Variants in FMNL1 observed in about 807,000 individuals in gnomAD.
The protein encoded by FMNL1 is formin-like protein 1.
In FMNL1, 43 loss-of-function variants were observed where a neutral mutation model predicts 121.3. That is an observed-to-expected ratio of 0.35 (90% CI 0.28 to 0.46). The LOEUF (loss-of-function observed/expected upper bound fraction) is 0.46. Among genes scored for constraint, FMNL1 ranks in the 20% least tolerant of loss-of-function variants. FMNL1 has a pLI of 1.00. For missense variants in FMNL1, 1,191 were observed against 1,482.4 expected, an observed-to-expected ratio of 0.80 and a Z score of 3.23; for synonymous variants, 613 against 613.5, an observed-to-expected ratio of 1.00 and a Z score of 0.01.
chr17:45,244,322 C>T, intron 19 of FMNL1, 78 bp downstream of exon 19: 1 of 1,459,474 alleles, frequency 6.9e-7, no homozygotes, highest in Non-Finnish European at 9.4e-7. Flanking sequence ...TGCTCACCTG[C>T]AATGCAACAA....
chr17:45,231,762 G>A lies in FMNL1; in HGVS notation c.214-605G>A, dbSNP rs1396458479. ...GTTCCTGCCAACGCAGATGTGCAGG[G>A]CGGCTGGGTCCGAGTCCTACCCAGG... On this transcript the variant is annotated intron_variant, in intron 2 of 26. Coordinates refer to ENST00000331495, the MANE Select transcript of FMNL1 (RefSeq NM_005892.4). This position sits in a 1 kb window ranked among gnomAD's most constrained non-coding sequence, Gnocchi z 4.7. Among the ~76,000 whole-genome samples the A allele has an allele frequency of 6.6e-6, 1 of 152,148 alleles. No homozygotes were observed. The highest frequency in any genetic ancestry group is 1.5e-5 in the Non-Finnish European group (1 of 68,022).
chr17:45,235,535 CAT>C (rs1385628495), intron 6 of FMNL1, among the ~76,000 whole-genome samples: 1 of 152,224 alleles, frequency 6.6e-6, no homozygotes, highest in Non-Finnish European at 1.5e-5. Flanking sequence ...GAGAGACTGA[CAT>C]GTGGAAGTCC....
chr17:45,247,032 G>A lies in FMNL1; in HGVS notation c.*174G>A, dbSNP rs2043854557. On this transcript the variant is annotated 3_prime_UTR_variant, in exon 27 of 27. Coordinates refer to ENST00000331495, the MANE Select transcript of FMNL1 (RefSeq NM_005892.4). ...GGCCGTGGACAGGCTGAGGCTCAAGGAAGGTGGTCCTCAGCTCGGCTGGCC... is the reference window on the plus strand; with the variant it reads ...GGCCGTGGACAGGCTGAGGCTCAAGAAAGGTGGTCCTCAGCTCGGCTGGCC... 1.5e-6 allele frequency: 1 copy of A among 660,378 alleles called. No individual in the cohort carries two copies. The highest frequency in any genetic ancestry group is 1.8e-5 in the African/African-American group (1 of 56,372). The allele number at this position is 660,378 out of a possible 1,614,324, so 40.9% of individuals were successfully genotyped here. A position where few individuals can be genotyped will look rare whatever the true frequency, so the allele number is the denominator to read the frequency against.
Position 45,246,491 on chromosome 17 carries a change from C to T in FMNL1, c.3212-14C>T. 1 of 1,614,158 alleles carries T rather than the reference C, an allele frequency of 6.2e-7. No homozygotes were observed. Among genetic ancestry groups the T allele is most frequent in the Middle Eastern group, 1.6e-4 (1 of 6,062 alleles). ...CTTTCTCTACTCCCCTTCACCTGCC[C>T]CACCCCCACTCAGTGATCAAGACGG... is the stretch of plus-strand genomic sequence containing the variant. On this transcript the variant is annotated splice_polypyrimidine_tract_variant and intron_variant, in intron 25 of 26. Coordinates refer to ENST00000331495, the MANE Select transcript of FMNL1 (RefSeq NM_005892.4).
intron 1 of FMNL1, among the ~76,000 whole-genome samples, chr17:45,226,750 G>A (rs747510680): frequency 6.6e-6 from 1 of 152,158 alleles, no homozygotes; most frequent in Non-Finnish European, 1.5e-5. Flanking sequence ...TATTGTTACT[G>A]TTGTCGGTGT....
intron 26 of FMNL1, 68 bp downstream of exon 26, chr17:45,246,672 G>T: frequency 6.8e-7 from 1 of 1,472,228 alleles, no homozygotes; most frequent in South Asian, 1.3e-5. Context: ...GAGAACTGAG[G>T]CATGCTGCCT....
Position 45,241,464 on chromosome 17 carries a change from G to T in FMNL1, c.1415G>T (p.Arg472Leu). The T allele has an allele frequency of 6.4e-7, 1 of 1,570,210 alleles. No homozygotes were observed. Among genetic ancestry groups the T allele is most frequent in the Non-Finnish European group, 8.6e-7 (1 of 1,158,472 alleles). ...PEKAPPAAPT[R>L]PSALELKVEE... ...AAAGCGCCTCCCGCTGCCCCGACGC[G>T]GCCCTCGGCCCTGGAGCTGAAGGTG... The change falls in exon 14 of 27, where the codon CGG becomes CTG. Residue 472 changes from arginine (R) to leucine (L), a missense_variant. Physicochemically the swap from Arg to Leu is moderately radical, Grantham distance 102. Coordinates refer to ENST00000331495, the MANE Select transcript of FMNL1 (RefSeq NM_005892.4). This position sits in a 1 kb window ranked among gnomAD's most constrained non-coding sequence, Gnocchi z 7.0.
chr17:45,245,540 G>C (rs1440306785), intron 22 of FMNL1, 92 bp from the exon 23 acceptor site: 1 of 1,600,348 alleles, frequency 6.2e-7, no homozygotes, highest in East Asian at 2.2e-5. Flanking sequence ...GGGCCACCCT[G>C]CCTGGGAGGA....
Position 45,236,176 on chromosome 17 carries a change from C to T in FMNL1, c.655C>T (p.Arg219Cys), listed in dbSNP as rs763065736. Residue 219 changes from arginine to cysteine, a missense_variant, in exon 7 of 27, where the codon CGC becomes TGC. Coordinates refer to ENST00000331495, the MANE Select transcript of FMNL1 (RefSeq NM_005892.4). ...AHSRKALRNSRIVSQKDDVHV... is the reference protein window; with the variant it reads ...AHSRKALRNSCIVSQKDDVHV... ...CAGCAGGAAGGCCCTGCGGAATTCCCGCATCGTCAGCCAGAAGGACGACGT... is the reference window on the plus strand; with the variant it reads ...CAGCAGGAAGGCCCTGCGGAATTCCTGCATCGTCAGCCAGAAGGACGACGT... 6 of 1,613,748 alleles carry T rather than the reference C, an allele frequency of 3.7e-6. No homozygotes were observed. The highest frequency in any genetic ancestry group is 2.2e-5 in the East Asian group (1 of 44,880).
Position 45,245,739 on chromosome 17 carries a change from C to T in FMNL1, c.2994+6C>T, listed in dbSNP as rs777695826. 1.4e-5 allele frequency: 22 copies of T among 1,591,720 alleles called. No homozygotes were observed. The highest frequency in any genetic ancestry group is 2.7e-5 in the African/African-American group (2 of 73,494). On this transcript the variant is annotated splice_donor_region_variant and intron_variant, in intron 23 of 26. Transcript: ENST00000331495. ...GCTTCATTAAGGCCTACAAGGTATT[C>T]GGGTCTGGGGCAGGCTGGGAGCCCT... is the stretch of plus-strand genomic sequence containing the variant.
At chr17:45,238,798 G>A in intron 10 of FMNL1, 157 bp from the exon 11 acceptor site, 1 of 1,094,518 alleles carries the variant, frequency 9.1e-7, no homozygotes, top group Non-Finnish European at 1.3e-6. Flanking sequence ...GGGCTGGATT[G>A]AGGGAACATG....
At chr17:45,232,574 C>G (rs1284979751) in intron 3 of FMNL1, 94 bp downstream of exon 3, 1 of 1,108,726 alleles carries the variant, frequency 9.0e-7, no homozygotes, top group African/African-American at 1.6e-5. Flanking sequence ...TTTCTATGTG[C>G]GTGTGTGGGT....
chr17:45,241,206 G>A lies in FMNL1; in HGVS notation c.1308G>A (p.Ala436=), dbSNP rs754565475. 2.5e-6 allele frequency: 4 copies of A among 1,614,050 alleles called. No individual in the cohort carries two copies. The Admixed American group carries it at 5.0e-5, about 20-fold the overall frequency. ...IAELEKQLSQ[A]RKELETLRER... ...AACTGGAAAAACAGCTAAGCCAGGC[G>A]CGCAAGGAGTTGGAGACCCTGCGGG... is the stretch of plus-strand genomic sequence containing the variant. Residue 436 remains alanine, a synonymous_variant, in exon 13 of 27, where the codon GCG becomes GCA. Transcript: ENST00000331495. This position sits in a 1 kb window ranked among gnomAD's most constrained non-coding sequence, Gnocchi z 7.0.
At chr17:45,232,251 TAAG>T in intron 2 of FMNL1, 113 bp from the exon 3 acceptor site, 1 of 864,760 alleles carries the variant, frequency 1.2e-6, no homozygotes. Flanking sequence ...AGAGGCGTCT[TAAG>T]AAAGCCTGGG....
chr17:45,245,483 G>GGT, intron 22 of FMNL1, 67 bp downstream of exon 22: 1 of 1,609,064 alleles, frequency 6.2e-7, no homozygotes, highest in Non-Finnish European at 8.5e-7. Context: ...AGCCTGGAGG[G>GGT]GTGTGGCCGT....
Position 45,231,817 on chromosome 17 carries a change from G to A in FMNL1, c.214-550G>A, listed in dbSNP as rs1487433462. On this transcript the variant is annotated intron_variant, in intron 2 of 26. Transcript: ENST00000331495. This position sits in a 1 kb window ranked among gnomAD's most constrained non-coding sequence, Gnocchi z 4.7. Reference sequence around the variant, plus strand: ...GGGTCCCCTTCACGAGGCACCTCCAGCCGTCCTTCCCCGCCGTATGCCAGC... The same window carrying A: ...GGGTCCCCTTCACGAGGCACCTCCAACCGTCCTTCCCCGCCGTATGCCAGC... 6.6e-6 allele frequency among the ~76,000 whole-genome samples: 1 copy of A among 152,158 alleles called. No homozygotes were observed. Among genetic ancestry groups the A allele is most frequent in the Non-Finnish European group, 1.5e-5 (1 of 68,006 alleles).
intron 7 of FMNL1, 28 bp downstream of exon 7, chr17:45,236,272 C>G (rs1340623053): frequency 6.3e-7 from 1 of 1,590,874 alleles, no homozygotes; most frequent in South Asian, 1.1e-5. Context: ...GGACTGGCGA[C>G]TAGGGAGCCC....
chr17:45,238,826 A>T, intron 10 of FMNL1, 129 bp from the exon 11 acceptor site: 1 of 1,074,338 alleles, frequency 9.3e-7, no homozygotes, highest in Middle Eastern at 2.2e-4. Flanking sequence ...AATGTTGGGC[A>T]GGCCAAGGCT....
chr17:45,222,139 C>G lies in FMNL1; in HGVS notation c.15C>G (p.Ala5=). 1.7e-6 allele frequency: 2 copies of G among 1,183,114 alleles called. No individual in the cohort carries two copies. Among genetic ancestry groups the G allele is most frequent in the Non-Finnish European group, 2.1e-6 (2 of 959,740 alleles). 73.3% of individuals were successfully genotyped at this position (1,183,114 alleles called of 1,614,324 possible). A position where few individuals can be genotyped will look rare whatever the true frequency, so the allele number is the denominator to read the frequency against. MGNA[A]GSAEQPAGPA... ...TGGGGACCACCATGGGCAACGCGGC[C>G]GGCAGCGCCGAGCAGCCCGCGGGCC... Residue 5 remains alanine, a synonymous_variant, in exon 1 of 27, where the codon GCC becomes GCG. Transcript: ENST00000331495.
Sources: allele counts gnomAD v4.1 joint callset (sites outside exome capture counted in the v4.1 genomes callset), GRCh38; gene constraint gnomAD v4.1.1; non-coding constraint Gnocchi (gnomAD v3.1); transcripts MANE v1.5; gene names NCBI Gene and HGNC (gene_info 2026-07-23, HGNC 2026-07-21).